HEG1: variants seen among roughly 807,000 people sequenced by gnomAD.
HEG1 encodes the protein heart development protein with EGF like domains 1, also known as protein HEG homolog 1.
HEG1 carries 56 observed loss-of-function variants against 125.6 expected under a neutral mutation model. The observed-to-expected ratio is 0.45, with a 90% confidence interval of 0.36 to 0.56. HEG1 has a LOEUF of 0.56. Among genes scored for constraint, HEG1 ranks in the 20% least tolerant of loss-of-function variants. The pLI, the probability that HEG1 is intolerant of heterozygous loss-of-function variation, is 0.00. For synonymous variants in HEG1, 644 were observed against 668.5 expected (o/e 0.96, Z 0.57); for missense variants, 1,523 against 1,670.0 (o/e 0.91, Z 1.53).
intron 2 of HEG1, among the ~76,000 whole-genome samples, chr3:125,028,772 A>T (rs1206360000): frequency 6.6e-6 from 1 of 152,196 alleles, no homozygotes; most frequent in Non-Finnish European, 1.5e-5. Flanking sequence ...ATTGAGCCCC[A>T]GCACCTTCTT....
In HEG1 at chr3:125,019,249, T is replaced by A. The variant is rs1184730168; in HGVS notation, c.1588+13A>T. 2.5e-6 allele frequency: 4 copies of A among 1,599,084 alleles called. No individual in the cohort carries two copies. The highest frequency in any genetic ancestry group is 3.4e-6 in the Non-Finnish European group (4 of 1,167,244). ...CTCTATGGGGCACAGTTGCATGAAA[T>A]GGAAAAACTCACTCGAACGTTCTCC... On this transcript the variant is annotated intron_variant, in intron 5 of 16. Coordinates refer to ENST00000311127, the MANE Select transcript of HEG1 (RefSeq NM_020733.2).
intron 1 of HEG1, among the ~76,000 whole-genome samples, chr3:125,037,198 A>G (rs1937555321): frequency 6.6e-6 from 1 of 152,268 alleles, no homozygotes; most frequent in African/African-American, 2.4e-5. Flanking sequence ...AGTATGTATC[A>G]TATGATTCCA....
chr3:125,012,754 C>A lies in HEG1; in HGVS notation c.2825G>T (p.Arg942Leu). Residue 942 changes from arginine (R) to leucine (L), a missense_variant, in exon 6 of 17, where the codon CGT becomes CTT. Transcript: ENST00000311127. ...GGGAGAAGGAGATGTTCCGAGGGAA[C>A]GTGAAGCTGGGCTGTACTCTGCTGT... Reference protein sequence around the residue: ...GVTAEYSPASRSLGTSPSPQT... With the variant: ...GVTAEYSPASLSLGTSPSPQT... 2 of 1,614,014 alleles carry A rather than the reference C, an allele frequency of 1.2e-6. No homozygotes were observed. The highest frequency in any genetic ancestry group is 2.2e-5 in the South Asian group (2 of 91,072).
chr3:125,005,223 G>C (rs749806866), intron 9 of HEG1, 42 bp downstream of exon 9: 1 of 1,210,496 alleles, frequency 8.3e-7, no homozygotes, highest in Non-Finnish European at 1.2e-6. Context: ...TCTGTTCTAG[G>C]AAACAAAAGA....
chr3:125,003,467 A>T (rs1214707545), intron 9 of HEG1, among the ~76,000 whole-genome samples: 1 of 152,192 alleles, frequency 6.6e-6, no homozygotes, highest in Non-Finnish European at 1.5e-5. Flanking sequence ...CTGTGTAGTA[A>T]AGAATTTAAC....
Position 125,020,989 on chromosome 3 carries a change from G to A in HEG1, c.1055C>T (p.Pro352Leu). 1 of 1,613,920 alleles carries A rather than the reference G, an allele frequency of 6.2e-7. No homozygotes were observed. The highest frequency in any genetic ancestry group is 8.5e-7 in the Non-Finnish European group (1 of 1,179,882). The stretch of plus-strand genomic sequence containing the variant: ...GGGGAAGCCTTCTGTCTTGCTCACA[G>A]GTCCCAGACTGACCGTCAAAGATCG... ...TLRSLTVSLG[P>L]VSKTEGFPKD... Residue 352 changes from proline to leucine, a missense_variant, in exon 4 of 17, where the codon CCT (proline) becomes CTT (leucine). Coordinates refer to ENST00000311127, the MANE Select transcript of HEG1 (RefSeq NM_020733.2).
At chr3:124,997,868 C>T in intron 11 of HEG1, 45 bp from the exon 12 acceptor site, 5 of 1,511,452 alleles carry the variant, frequency 3.3e-6, no homozygotes, top group Non-Finnish European at 4.5e-6. Flanking sequence ...AAACCTTCTC[C>T]ACTTCAAACC....
intron 1 of HEG1, among the ~76,000 whole-genome samples, chr3:125,030,724 T>A (rs898401115): frequency 2.6e-5 from 4 of 152,198 alleles, no homozygotes; most frequent in African/African-American, 9.7e-5. Context: ...GGTCCTCTTA[T>A]ACTTCCCATT....
chr3:125,001,234 CT>C (rs200974260), intron 11 of HEG1, among the ~76,000 whole-genome samples: 12,244 of 143,760 alleles, frequency 0.085, 579 homozygotes, highest in African/African-American at 0.14. Flanking sequence ...ACTGCACATG[CT>C]TTTTTTTTTT....
intron 5 of HEG1, among the ~76,000 whole-genome samples, chr3:125,016,392 A>G (rs1236610087): frequency 1.3e-5 from 2 of 152,230 alleles, no homozygotes; most frequent in Admixed American, 1.3e-4. Flanking sequence ...ATGAACTCCA[A>G]GATCTGATCA....
chr3:125,002,454 G>A, intron 9 of HEG1, 139 bp from the exon 10 acceptor site: 1 of 683,726 alleles, frequency 1.5e-6, no homozygotes, highest in Non-Finnish European at 2.5e-6. Context: ...CAGAAGTGGT[G>A]TCCTTTTTTT....
At chr3:124,990,174 C>T (rs1452363545) in intron 14 of HEG1, among the ~76,000 whole-genome samples, 4 of 152,122 alleles carry the variant, frequency 2.6e-5, no homozygotes, top group Non-Finnish European at 5.9e-5. Flanking sequence ...TGGGCACAGT[C>T]CCTGCCTCCC....
intron 12 of HEG1, among the ~76,000 whole-genome samples, chr3:124,996,079 A>C (rs534727935): frequency 7.3e-5 from 11 of 150,098 alleles, no homozygotes; most frequent in African/African-American, 2.7e-4. Context: ...AGATGGGCTC[A>C]ACTCCTCATT....
chr3:124,975,344 T>C lies in HEG1; in HGVS notation c.3822-1439A>G, dbSNP rs537051647. Among the ~76,000 whole-genome samples, 3 of 152,302 alleles carry C rather than the reference T, an allele frequency of 2.0e-5. No homozygotes were observed. In the East Asian group the frequency reaches 5.8e-4, roughly 29 times the overall value. ...TATCATCTAAGTCAGAGGTCATAAT[T>C]TTCCCTTATCTGAATAGATCATCAC... On this transcript the variant is annotated intron_variant, in intron 15 of 16. Coordinates refer to ENST00000311127, the MANE Select transcript of HEG1 (RefSeq NM_020733.2).
chr3:125,034,759 C>T (rs1330593077), intron 1 of HEG1, among the ~76,000 whole-genome samples: 1 of 151,840 alleles, frequency 6.6e-6, no homozygotes, highest in Non-Finnish European at 1.5e-5. Flanking sequence ...GTGATTGTGC[C>T]ACTGCACTCC....
At position 125,027,339 on chromosome 3, in the gene HEG1, G is replaced by T. The variant is rs1390736737; in HGVS notation, c.779C>A (p.Pro260Gln). 6.2e-7 allele frequency: 1 copy of T among 1,613,934 alleles called. No individual in the cohort carries two copies. Among genetic ancestry groups the T allele is most frequent in the South Asian group, 1.1e-5 (1 of 91,070 alleles). ...SQEATTSAWS[P>Q]SFLPALEMGE... ...CATCTCCAAAGCAGGAAGAAAGGAC[G>T]GGCTCCAAGCCGAAGTGGTGGCCTC... The change falls in exon 3 of 17, where the codon CCG (proline) becomes CAG (glutamine). Residue 260 changes from proline to glutamine, a missense_variant. Coordinates refer to ENST00000311127, the MANE Select transcript of HEG1 (RefSeq NM_020733.2).
chr3:124,978,010 A>C (rs1936576964), intron 14 of HEG1, 64 bp from the exon 15 acceptor site: 147 of 1,230,712 alleles, frequency 1.2e-4, no homozygotes, highest in Non-Finnish European at 1.5e-4. Context: ...GTGAGTTCTC[A>C]AGAATGGTCT....
At chr3:125,007,007 G>A (rs540613071) in intron 8 of HEG1, among the ~76,000 whole-genome samples, 15 of 151,832 alleles carry the variant, frequency 9.9e-5, no homozygotes, top group Non-Finnish European at 1.5e-4. Flanking sequence ...AGACCATCCC[G>A]GCTAAAACGG....
chr3:124,987,952 C>CACACACACACACACACACATATATAT, intron 14 of HEG1, among the ~76,000 whole-genome samples: 13 of 54,694 alleles, frequency 2.4e-4, no homozygotes, highest in South Asian at 9.7e-4. Context: ...CACACACACA[C>CACACACACACACACACACATATATAT]ATATATATAT....
Sources: allele counts gnomAD v4.1 joint callset (sites outside exome capture counted in the v4.1 genomes callset), GRCh38; gene constraint gnomAD v4.1.1; transcripts MANE v1.5; gene names NCBI Gene and HGNC (gene_info 2026-07-23, HGNC 2026-07-21).